Variants in CSMD1 observed in about 807,000 individuals in gnomAD.
The protein encoded by CSMD1 is CUB and Sushi multiple domains 1.
A neutral mutation model predicts 417.5 loss-of-function variants in CSMD1; 213 were observed. That is an observed-to-expected ratio of 0.51 (90% CI 0.46 to 0.57). The LOEUF (loss-of-function observed/expected upper bound fraction) is 0.57, where lower values mean the gene tolerates loss of function less well. CSMD1 is among the 20% of genes least tolerant of loss of function. CSMD1 has a pLI of 0.00. For missense variants in CSMD1, 6,923 were observed against 4,529.7 expected (o/e 1.53, Z -15.17); for synonymous variants, 2,862 against 1,736.8 (o/e 1.65, Z -16.11).
At chr8:4,731,777 A>G (rs1809888411) in intron 1 of CSMD1, among the ~76,000 whole-genome samples, 1 of 152,172 alleles carries the variant, frequency 6.6e-6, no homozygotes, top group Non-Finnish European at 1.5e-5. Flanking sequence ...GCTGGCTTCT[A>G]CCACCTACTC....
At chr8:3,925,137 CA>C (rs1809560313) in intron 5 of CSMD1, among the ~76,000 whole-genome samples, 1 of 152,304 alleles carries the variant, frequency 6.6e-6, no homozygotes, top group Non-Finnish European at 1.5e-5. Context: ...CAGAGCCACC[CA>C]GCTAATCCAC....
intron 5 of CSMD1, among the ~76,000 whole-genome samples, chr8:3,979,589 G>T (rs1258779989): frequency 6.6e-6 from 1 of 152,154 alleles, no homozygotes; most frequent in African/African-American, 2.4e-5. Flanking sequence ...GGATCATGAG[G>T]ATGCGGCCAA....
At chr8:4,891,890 G>C (rs1300956075) in intron 1 of CSMD1, among the ~76,000 whole-genome samples, 1 of 152,026 alleles carries the variant, frequency 6.6e-6, no homozygotes, top group African/African-American at 2.4e-5. Context: ...CACTGTATTA[G>C]ATTCTATTTT....
At chr8:4,302,683 A>G (rs1798041997) in intron 3 of CSMD1, among the ~76,000 whole-genome samples, 1 of 152,158 alleles carries the variant, frequency 6.6e-6, no homozygotes, top group South Asian at 2.1e-4. Flanking sequence ...ATTCATCTCT[A>G]CTAAACTGGT....
Position 3,130,825 on chromosome 8 carries a change from G to C in CSMD1, c.6241+11640C>G, listed in dbSNP as rs541217127. Among the ~76,000 whole-genome samples, 11 of 152,104 alleles carry C rather than the reference G, an allele frequency of 7.2e-5. No homozygotes were observed. The East Asian group carries it at 2.1e-3, about 29-fold the overall frequency. On this transcript the variant is annotated intron_variant, in intron 41 of 69. Coordinates refer to ENST00000635120, the MANE Select transcript of CSMD1 (RefSeq NM_033225.6). ...ACTAACACAGCTTCAGCCTGGGCAC[G>C]GCTGCAGCCTCTATGGCTGCAACTT...
At chr8:4,623,866 G>T (rs182958178) in intron 2 of CSMD1, among the ~76,000 whole-genome samples, 1 of 152,154 alleles carries the variant, frequency 6.6e-6, no homozygotes, top group Admixed American at 6.5e-5. Flanking sequence ...GGATGACCGG[G>T]GTCACAAGAA....
intron 3 of CSMD1, among the ~76,000 whole-genome samples, chr8:4,287,805 CCT>C (rs771301048): frequency 1.7e-4 from 26 of 152,052 alleles, no homozygotes; most frequent in Middle Eastern, 6.8e-3. Flanking sequence ...TCTCCTCCAA[CCT>C]CTCTGTGGCC....
chr8:3,686,471 C>T (rs1449640865), intron 7 of CSMD1, among the ~76,000 whole-genome samples: 2 of 151,988 alleles, frequency 1.3e-5, no homozygotes, highest in African/African-American at 4.8e-5. Context: ...GCTGCTCTGG[C>T]ATGTTTAAAT....
rs537121402 is a variant in CSMD1, at chr8:3,165,274, G to A, written c.5726-2997C>T. ...TTTAAACCTGCTACTATATTAAAAG[G>A]AGTGACAAAGTGCATAAGCGATTGA... is the stretch of plus-strand genomic sequence containing the variant. On this transcript the variant is annotated intron_variant, in intron 37 of 69. Coordinates refer to ENST00000635120, the MANE Select transcript of CSMD1 (RefSeq NM_033225.6). 5.3e-5 allele frequency among the ~76,000 whole-genome samples: 8 copies of A among 152,124 alleles called. No homozygotes were observed. In the South Asian group the frequency reaches 1.7e-3, roughly 32 times the overall value.
At position 3,461,144 on chromosome 8, in the gene CSMD1, G is replaced by C. The variant is rs58938937; in HGVS notation, c.1561+7568C>G. Among the ~76,000 whole-genome samples the C allele has an allele frequency of 2.5e-3, 377 of 152,294 alleles. 5 individuals carry two copies. Among genetic ancestry groups the C allele is most frequent in the African/African-American group, 8.7e-3 (363 of 41,564 alleles). ...GGCCCTCATCGCTCTGCGGAACTGAGGCTGCTAGAGAGGGCTCATAGCTGC... is the reference window on the plus strand; with the variant it reads ...GGCCCTCATCGCTCTGCGGAACTGACGCTGCTAGAGAGGGCTCATAGCTGC... On this transcript the variant is annotated intron_variant, in intron 12 of 69. Coordinates refer to ENST00000635120, the MANE Select transcript of CSMD1 (RefSeq NM_033225.6).
chr8:4,898,387 C>G (rs953693684), intron 1 of CSMD1, among the ~76,000 whole-genome samples: 4 of 151,402 alleles, frequency 2.6e-5, no homozygotes, highest in Non-Finnish European at 5.9e-5. Context: ...TTTTTGCAGT[C>G]AAGTACTAGC....
chr8:3,842,128 G>C (rs1232800202), intron 5 of CSMD1, among the ~76,000 whole-genome samples: 3 of 152,056 alleles, frequency 2.0e-5, no homozygotes, highest in Non-Finnish European at 2.9e-5. Context: ...ATTCAACCCC[G>C]ATCTCTTCTC....
intron 5 of CSMD1, among the ~76,000 whole-genome samples, chr8:3,938,388 G>T (rs2688307): frequency 0.44 from 67,148 of 151,956 alleles, 14,838 homozygotes; most frequent in East Asian, 0.51. Context: ...GAATGCAATC[G>T]GTGGTAGGCT....
At chr8:4,827,330 C>T (rs960193131) in intron 1 of CSMD1, among the ~76,000 whole-genome samples, 2 of 152,040 alleles carry the variant, frequency 1.3e-5, no homozygotes, top group Non-Finnish European at 2.9e-5. Context: ...TATCTTAACC[C>T]TAAGGCTAGA....
At chr8:4,483,815 G>C (rs957720830) in intron 2 of CSMD1, among the ~76,000 whole-genome samples, 1 of 152,108 alleles carries the variant, frequency 6.6e-6, no homozygotes, top group Non-Finnish European at 1.5e-5. Flanking sequence ...GTTTGTGAAG[G>C]TTTCAAAAAC....
intron 1 of CSMD1, among the ~76,000 whole-genome samples, chr8:4,698,893 A>T (rs1015775692): frequency 2.0e-5 from 3 of 147,646 alleles, no homozygotes; most frequent in African/African-American, 5.2e-5. Flanking sequence ...AAACATGTGC[A>T]TACCCTCCCA....
At chr8:3,310,261 G>A (rs904987304) in intron 23 of CSMD1, among the ~76,000 whole-genome samples, 1 of 152,202 alleles carries the variant, frequency 6.6e-6, no homozygotes, top group Non-Finnish European at 1.5e-5. Flanking sequence ...CATTATTACA[G>A]ATTATTCAGT....
At chr8:3,283,216 G>C (rs943449427) in intron 26 of CSMD1, among the ~76,000 whole-genome samples, 1 of 152,066 alleles carries the variant, frequency 6.6e-6, no homozygotes, top group South Asian at 2.1e-4. Context: ...TCCTGAACCG[G>C]GAAGTTGCAA....
chr8:3,612,916 TTAA>T (rs1801961323), intron 8 of CSMD1, among the ~76,000 whole-genome samples: 1 of 151,730 alleles, frequency 6.6e-6, no homozygotes, highest in African/African-American at 2.4e-5. Context: ...AGGAAATAAA[TTAA>T]TAAGAGGTCA....
Sources: allele counts gnomAD v4.1 joint callset (sites outside exome capture counted in the v4.1 genomes callset), GRCh38; gene constraint gnomAD v4.1.1; transcripts MANE v1.5; gene names NCBI Gene and HGNC (gene_info 2026-07-23, HGNC 2026-07-21).